The following ADGRF1 variants were observed in gnomAD, a reference collection of about 807,000 sequenced individuals.
The protein encoded by ADGRF1 is adhesion G protein-coupled receptor F1.
A neutral mutation model predicts 87.2 loss-of-function variants in ADGRF1; 85 were observed. The observed-to-expected ratio is 0.97, with a 90% confidence interval of 0.82 to 1.17. The LOEUF (loss-of-function observed/expected upper bound fraction) is 1.17. Ranked by LOEUF, ADGRF1 falls within the 50% of genes most tolerant of loss-of-function variation. ADGRF1 has a pLI of 0.00. For missense variants in ADGRF1, 1,169 were observed against 1,077.2 expected, an observed-to-expected ratio of 1.09 and a Z score of -1.19; for synonymous variants, 430 against 408.8, an observed-to-expected ratio of 1.05 and a Z score of -0.63.
At chr6:47,039,179 T>C (rs1391573553) in intron 1 of ADGRF1, among the ~76,000 whole-genome samples, 1 of 152,218 alleles carries the variant, frequency 6.6e-6, no homozygotes, top group East Asian at 1.9e-4. Flanking sequence ...TTAAAGTCTT[T>C]AGATTTGTGG....
rs191047943 is a variant in ADGRF1 at position 47,020,609 on chromosome 6, C to T, written c.611+122G>A. ...AGATCCTTGTTCACTTAGTAAAAAT[C>T]CTACTATAAAGATGACTTCTGTCCT... is the stretch of plus-strand genomic sequence containing the variant. On this transcript the variant is annotated intron_variant, in intron 7 of 14. Coordinates refer to ENST00000371253, the MANE Select transcript of ADGRF1 (RefSeq NM_153840.4). The T allele has an allele frequency of 5.3e-4, 820 of 1,539,942 alleles. 18 individuals carry two copies. In the East Asian group the frequency reaches 0.014, roughly 27 times the overall value.
intron 1 of ADGRF1, among the ~76,000 whole-genome samples, chr6:47,039,637 T>C (rs568139502): frequency 1.3e-5 from 2 of 152,196 alleles, no homozygotes; most frequent in African/African-American, 4.8e-5. Flanking sequence ...GTACTATCCC[T>C]CCAAGATCCT....
rs375646793 is a variant in ADGRF1, at chr6:47,010,277, T to C, written c.1158A>G (p.Ser386=). Residue 386 remains serine, a synonymous_variant, in exon 11 of 15, where the codon TCA becomes TCG. Transcript: ENST00000371253. ...SIADNILNSA[S]VTNWTVLLRE... ...GCAGTAAGACTGTCCAGTTGGTTAC[T>C]GAGGCTGAATTAAGGATATTGTCAG... 1.5e-4 allele frequency: 249 copies of C among 1,613,080 alleles called. No homozygotes were observed. Among genetic ancestry groups the C allele is most frequent in the Non-Finnish European group, 2.0e-4 (241 of 1,179,616 alleles).
chr6:47,024,245 T>G, intron 4 of ADGRF1, 28 bp from the exon 5 acceptor site: 1 of 1,577,594 alleles, frequency 6.3e-7, no homozygotes, highest in Non-Finnish European at 8.7e-7. Context: ...CTCAGTCTCA[T>G]GGATTCTGGT....
chr6:47,013,781 C>T lies in ADGRF1; in HGVS notation c.927+900G>A, dbSNP rs1482933900. ...ATGGAGGTGGTTTCTAATGGTTTAG[C>T]ACCATCCCCCAAGTGCTGTCTCATG... is the stretch of plus-strand genomic sequence containing the variant. On this transcript the variant is annotated intron_variant, in intron 9 of 14. Coordinates refer to ENST00000371253, the MANE Select transcript of ADGRF1 (RefSeq NM_153840.4). The T allele has an allele frequency of 1.4e-5, 5 of 345,214 alleles. No individual in the cohort carries two copies. The East Asian group carries it at 6.7e-4, about 46-fold the overall frequency. The allele number at this position is 345,214 out of a possible 1,614,324, so 21.4% of individuals were successfully genotyped here.
intron 14 of ADGRF1, 148 bp downstream of exon 14, chr6:47,001,353 G>T: frequency 1.6e-6 from 1 of 625,302 alleles, no homozygotes; most frequent in Non-Finnish European, 2.7e-6. Context: ...CCTGAGCACG[G>T]TCTGGATGAA....
intron 11 of ADGRF1, among the ~76,000 whole-genome samples, chr6:47,007,557 A>G (rs1222893285): frequency 6.6e-6 from 1 of 152,208 alleles, no homozygotes; most frequent in Non-Finnish European, 1.5e-5. Context: ...GTGGAGCTTC[A>G]TTCTCCCCAT....
intron 1 of ADGRF1, among the ~76,000 whole-genome samples, chr6:47,038,614 A>T (rs1417415649): frequency 2.0e-5 from 3 of 152,142 alleles, no homozygotes; most frequent in Non-Finnish European, 4.4e-5. Flanking sequence ...CTCTCCTTCT[A>T]GCTATTTGAA....
At chr6:47,021,912 T>G (rs758020572) in intron 6 of ADGRF1, 46 bp downstream of exon 6, 1 of 1,009,336 alleles carries the variant, frequency 9.9e-7, no homozygotes, top group South Asian at 1.4e-5. Flanking sequence ...CATTTGAACT[T>G]GAGTGTAGCA....
intron 10 of ADGRF1, 147 bp from the exon 11 acceptor site, chr6:47,010,465 T>C (rs888842530): frequency 1.4e-6 from 1 of 733,128 alleles, no homozygotes; most frequent in Non-Finnish European, 2.2e-6. Flanking sequence ...CAATCAAATT[T>C]AGCTCAGTTC....
At position 47,030,864 on chromosome 6, in the gene ADGRF1, G is replaced by A. The variant is rs546388363; in HGVS notation, c.-43-1760C>T. On this transcript the variant is annotated intron_variant, in intron 1 of 14. Transcript: ENST00000371253. ...TGCAACCTTCACCTTCCGGGTTCAAGCGATTCTCCTGCCTCAGCCTCATGA... is the reference window on the plus strand; with the variant it reads ...TGCAACCTTCACCTTCCGGGTTCAAACGATTCTCCTGCCTCAGCCTCATGA... 3.3e-5 allele frequency among the ~76,000 whole-genome samples: 5 copies of A among 152,070 alleles called. No homozygotes were observed. In the East Asian group the frequency reaches 7.8e-4, roughly 24 times the overall value.
chr6:47,024,167 T>A lies in ADGRF1; in HGVS notation c.328A>T (p.Thr110Ser). The change falls in exon 5 of 15, where the codon ACC becomes TCC. Residue 110 changes from threonine (T) to serine (S), a missense_variant. Coordinates refer to ENST00000371253, the MANE Select transcript of ADGRF1 (RefSeq NM_153840.4). Reference sequence around the variant, plus strand: ...TCAAGGCATGAGGGAGGAAACCAGGTGTAGCTGTCTTCACAGGTACACTGC... The same window carrying A: ...TCAAGGCATGAGGGAGGAAACCAGGAGTAGCTGTCTTCACAGGTACACTGC... ...VLQCTCEDSY[T>S]WFPPSCLDPQ... 6.2e-7 allele frequency: 1 copy of A among 1,614,104 alleles called. No individual in the cohort carries two copies. The highest frequency in any genetic ancestry group is 8.5e-7 in the Non-Finnish European group (1 of 1,179,942).
At chr6:47,005,092 A>G (rs746472367) in intron 13 of ADGRF1, among the ~76,000 whole-genome samples, 2 of 152,232 alleles carry the variant, frequency 1.3e-5, no homozygotes, top group Non-Finnish European at 2.9e-5. Flanking sequence ...TATAAAATAA[A>G]GAAATTCTCT....
At chr6:47,035,732 C>T (rs918797743) in intron 1 of ADGRF1, among the ~76,000 whole-genome samples, 4 of 152,240 alleles carry the variant, frequency 2.6e-5, no homozygotes, top group African/African-American at 9.6e-5. Flanking sequence ...AATTTGATCT[C>T]CACCTGAGTT....
chr6:47,022,386 T>C (rs1295914446), intron 5 of ADGRF1, among the ~76,000 whole-genome samples: 1 of 152,164 alleles, frequency 6.6e-6, no homozygotes, highest in Non-Finnish European at 1.5e-5. Flanking sequence ...TTAAGCATTG[T>C]CCCTATTAAA....
intron 1 of ADGRF1, among the ~76,000 whole-genome samples, chr6:47,037,591 C>T (rs1372663042): frequency 2.0e-5 from 3 of 151,866 alleles, no homozygotes; most frequent in Non-Finnish European, 4.4e-5. Context: ...CACTGTAGCC[C>T]CATCCTGGGC....
intron 7 of ADGRF1, chr6:47,019,172 T>A (rs1366727612): frequency 1.8e-6 from 1 of 566,734 alleles, no homozygotes; most frequent in Admixed American, 6.3e-5. Flanking sequence ...AGACAGCTTA[T>A]AAGATATGCA....
chr6:47,002,726 T>A (rs897181342), intron 13 of ADGRF1, among the ~76,000 whole-genome samples: 2 of 152,074 alleles, frequency 1.3e-5, no homozygotes, highest in Non-Finnish European at 2.9e-5. Flanking sequence ...GGGGGGTCCA[T>A]TGAGGCCACC....
intron 7 of ADGRF1, chr6:47,019,998 T>A: frequency 7.1e-6 from 7 of 988,532 alleles, no homozygotes; most frequent in Non-Finnish European, 8.4e-6. Flanking sequence ...CACTTCTGGC[T>A]CCGAATTATG....
Sources: allele counts gnomAD v4.1 joint callset (sites outside exome capture counted in the v4.1 genomes callset), GRCh38; gene constraint gnomAD v4.1.1; transcripts MANE v1.5; gene names NCBI Gene and HGNC (gene_info 2026-07-23, HGNC 2026-07-21).